Variants in LAMA1 observed in about 807,000 individuals in gnomAD.
The protein encoded by LAMA1 is laminin subunit alpha 1.
A neutral mutation model predicts 348.7 loss-of-function variants in LAMA1; 219 were observed. The ratio of observed to expected loss-of-function variants is 0.63; its 90% CI spans 0.56 to 0.70. The LOEUF (loss-of-function observed/expected upper bound fraction) is 0.70. Ranked by LOEUF, LAMA1 falls within the 30% of genes least tolerant of loss-of-function variation. LAMA1 has a pLI of 0.00. For missense variants in LAMA1, 3,744 were observed against 3,888.0 expected (o/e 0.96, Z 0.99); for synonymous variants, 1,487 against 1,491.0 (o/e 1.00, Z 0.06).
At chr18:7,088,570 T>C (rs2058226908) in intron 1 of LAMA1, among the ~76,000 whole-genome samples, 1 of 152,082 alleles carries the variant, frequency 6.6e-6, no homozygotes, top group Non-Finnish European at 1.5e-5. Flanking sequence ...CAGGCTGGAG[T>C]GCAGCGGTGC....
intron 3 of LAMA1, among the ~76,000 whole-genome samples, chr18:7,051,782 T>C (rs555318803): frequency 5.5e-4 from 84 of 152,308 alleles, no homozygotes; most frequent in African/African-American, 1.9e-3. Flanking sequence ...CACCAAATGC[T>C]GGGGAGGATG....
At position 7,080,354 on chromosome 18, in the gene LAMA1, A is replaced by G. The variant is rs1434357133; in HGVS notation, c.165T>C (p.His55=). ...GPEMFCKLVE[H]VPGRPVRNPQ... ...GGTTTCGGACGGGCCGACCTGGCAC[A>G]TGCTCCACAAGTTTGCAGAACATCT... The change falls in exon 2 of 63, where the codon CAT becomes CAC. Residue 55 remains histidine (H), a synonymous_variant. Transcript: ENST00000389658. 2 of 1,614,138 alleles carry G rather than the reference A, an allele frequency of 1.2e-6. No homozygotes were observed. Among genetic ancestry groups the G allele is most frequent in the African/African-American group, 2.7e-5 (2 of 74,946 alleles).
intron 34 of LAMA1, among the ~76,000 whole-genome samples, chr18:6,994,673 A>ACGCG (rs370403388): frequency 8.9e-4 from 19 of 21,254 alleles, no homozygotes; most frequent in African/African-American, 2.7e-3. Flanking sequence ...CACAGTACAG[A>ACGCG]CACACACACA....
In LAMA1 at chr18:7,058,151, G is replaced by C. The variant is rs139062439; in HGVS notation, c.346-7215C>G. Among the ~76,000 whole-genome samples, 653 of 152,084 alleles carry C rather than the reference G, an allele frequency of 4.3e-3. 6 individuals carry two copies. The highest frequency in any genetic ancestry group is 0.015 in the African/African-American group (630 of 41,510). On this transcript the variant is annotated intron_variant, in intron 3 of 62. Coordinates refer to ENST00000389658, the MANE Select transcript of LAMA1 (RefSeq NM_005559.4). ...TGTTCCAGTATTTTACCAACCTTTT[G>C]CCAGCTTTTATTCTGAGAGCTTAGT... is the stretch of plus-strand genomic sequence containing the variant.
intron 3 of LAMA1, among the ~76,000 whole-genome samples, chr18:7,067,037 T>C (rs965770905): frequency 6.6e-6 from 1 of 152,210 alleles, no homozygotes; most frequent in Non-Finnish European, 1.5e-5. Flanking sequence ...TGATAAAATA[T>C]CATTCTTCCA....
chr18:6,959,316 A>G, intron 54 of LAMA1, 25 bp downstream of exon 54: 1 of 1,613,940 alleles, frequency 6.2e-7, no homozygotes, highest in East Asian at 2.2e-5. Flanking sequence ...CCTTCATTAC[A>G]CACTGCCTGG....
At chr18:7,011,954 G>C (rs1196296921) in intron 24 of LAMA1, 41 bp downstream of exon 24, 2 of 1,570,296 alleles carry the variant, frequency 1.3e-6, no homozygotes, top group East Asian at 4.6e-5. Flanking sequence ...TCCCAGGGGA[G>C]TGGGGTTAGA....
intron 17 of LAMA1, among the ~76,000 whole-genome samples, chr18:7,025,392 C>G (rs530440393): frequency 7.9e-5 from 12 of 152,320 alleles, no homozygotes; most frequent in East Asian, 3.9e-4. Flanking sequence ...CCTAGGTAGG[C>G]TGGACACTGC....
Position 6,955,423 on chromosome 18 carries a change from C to T in LAMA1, c.8137G>A (p.Ala2713Thr), listed in dbSNP as rs372270046. 1.9e-5 allele frequency: 31 copies of T among 1,614,080 alleles called. No individual in the cohort carries two copies. In the Middle Eastern group the frequency reaches 4.9e-4, roughly 26 times the overall value. Residue 2713 changes from alanine (A) to threonine (T), a missense_variant, in exon 57 of 63, where the codon GCT becomes ACT. Physicochemically the swap from Ala to Thr is moderately conservative, Grantham distance 58. Coordinates refer to ENST00000389658, the MANE Select transcript of LAMA1 (RefSeq NM_005559.4). ...VDAALEYVPG[A>T]HQFGLTQNSH... ...TTTTGTGTGAGACCAAACTGGTGAG[C>T]GCCGGGAACGTACTCCAGAGCTGCA...
intron 14 of LAMA1, 48 bp from the exon 15 acceptor site, chr18:7,033,143 C>G (rs199677215): frequency 4.5e-5 from 59 of 1,298,856 alleles, no homozygotes; most frequent in Non-Finnish European, 6.2e-5. Context: ...GCAAATACAT[C>G]TCACATCTCA....
chr18:7,099,954 G>A (rs1246207980), intron 1 of LAMA1, among the ~76,000 whole-genome samples: 1 of 150,618 alleles, frequency 6.6e-6, no homozygotes, highest in Non-Finnish European at 1.5e-5. Flanking sequence ...AGCTACTCAG[G>A]AGGCTGAGGC....
chr18:7,067,301 C>A (rs2143757829), intron 3 of LAMA1, among the ~76,000 whole-genome samples: 1 of 152,186 alleles, frequency 6.6e-6, no homozygotes, highest in East Asian at 1.9e-4. Context: ...GTTGCTATAT[C>A]CATAAAGTGA....
intron 19 of LAMA1, among the ~76,000 whole-genome samples, chr18:7,017,843 A>T (rs2057896139): frequency 6.6e-6 from 1 of 152,216 alleles, no homozygotes; most frequent in African/African-American, 2.4e-5. Context: ...ATATCTTTTC[A>T]TTAAATATGA....
At chr18:7,096,605 T>C (rs972721535) in intron 1 of LAMA1, among the ~76,000 whole-genome samples, 17 of 152,044 alleles carry the variant, frequency 1.1e-4, no homozygotes, top group Non-Finnish European at 2.9e-5. Context: ...CAATGAGCCG[T>C]GATCACACCA....
At chr18:7,075,536 C>T (rs1483208529) in intron 3 of LAMA1, among the ~76,000 whole-genome samples, 3 of 152,162 alleles carry the variant, frequency 2.0e-5, no homozygotes, top group East Asian at 1.9e-4. Flanking sequence ...GCAGGAGAAT[C>T]GCTTGAACCC....
intron 10 of LAMA1, 53 bp from the exon 11 acceptor site, chr18:7,039,003 AG>A: frequency 6.8e-7 from 1 of 1,468,802 alleles, no homozygotes; most frequent in South Asian, 1.1e-5. Context: ...CTGTCCAGAG[AG>A]AATAAAATGA....
At chr18:7,082,360 C>T (rs983344805) in intron 1 of LAMA1, among the ~76,000 whole-genome samples, 2 of 152,002 alleles carry the variant, frequency 1.3e-5, no homozygotes, top group African/African-American at 2.4e-5. Context: ...AAAGGGACTT[C>T]GTTTGTTTTT....
At chr18:7,114,315 T>C (rs2058347696) in intron 1 of LAMA1, among the ~76,000 whole-genome samples, 1 of 152,192 alleles carries the variant, frequency 6.6e-6, no homozygotes, top group South Asian at 2.1e-4. Context: ...ATCCATTTTA[T>C]AGATAGAAAG....
intron 56 of LAMA1, chr18:6,955,739 T>A: frequency 1.9e-6 from 1 of 534,060 alleles, no homozygotes; most frequent in South Asian, 1.8e-5. Context: ...CTCCTACAAA[T>A]TTTCATCAGG....
Sources: allele counts gnomAD v4.1 joint callset (sites outside exome capture counted in the v4.1 genomes callset), GRCh38; gene constraint gnomAD v4.1.1; transcripts MANE v1.5; gene names NCBI Gene and HGNC (gene_info 2026-07-23, HGNC 2026-07-21).